SYT16: variants seen among roughly 807,000 people sequenced by gnomAD.
The protein encoded by SYT16 is synaptotagmin 16.
Under a neutral mutation model 61.4 loss-of-function variants are expected in SYT16, and 42 were observed. The ratio of observed to expected loss-of-function variants is 0.68; its 90% CI spans 0.53 to 0.89. The LOEUF (loss-of-function observed/expected upper bound fraction) is 0.89. Among genes scored for constraint, SYT16 ranks in the 40% least tolerant of loss-of-function variants. The probability of loss-of-function intolerance (pLI) is 0.00; values close to 1 mark genes in which losing one functional copy is unlikely to be tolerated. For synonymous variants in SYT16, 314 were observed against 302.3 expected (o/e 1.04, Z -0.40); for missense variants, 804 against 807.3 (o/e 1.00, Z 0.05).
At chr14:61,917,898 T>A (rs1408423934) in intron 1 of SYT16, among the ~76,000 whole-genome samples, 1 of 152,186 alleles carries the variant, frequency 6.6e-6, no homozygotes, top group Non-Finnish European at 1.5e-5. Context: ...GTTTCATATA[T>A]ACCTTATACA....
In SYT16 at chr14:61,996,024, T is replaced by G. The variant is rs752367361; in HGVS notation, c.5T>G (p.Val2Gly). 1 of 1,586,700 alleles carries G rather than the reference T, an allele frequency of 6.3e-7. No individual in the cohort carries two copies. The highest frequency in any genetic ancestry group is 1.3e-5 in the African/African-American group (1 of 74,118). ...GTAGACATCAGATAGCTGGCCATGG[T>G]GTTGGCCATGGCGTCTCAGGATGTT... M[V>G]LAMASQDVQN... Residue 2 changes from valine to glycine, a missense_variant, in exon 3 of 8, where the codon GTG (valine) becomes GGG (glycine). Transcript: ENST00000683842.
chr14:61,839,463 T>C (rs1389666000), intron 1 of SYT16, among the ~76,000 whole-genome samples: 2 of 152,210 alleles, frequency 1.3e-5, no homozygotes, highest in Non-Finnish European at 2.9e-5. Flanking sequence ...ACAGAAGTGA[T>C]GATAATTGCA....
At position 61,917,346 on chromosome 14, in the gene SYT16, TG is replaced by T. The variant is rs527906077; in HGVS notation, c.-324-52784del. 4.8e-3 allele frequency among the ~76,000 whole-genome samples: 734 copies of T among 152,296 alleles called. 12 individuals are homozygous for T. Among genetic ancestry groups the T allele is most frequent in the African/African-American group, 0.017 (692 of 41,562 alleles). On this transcript the variant is annotated intron_variant, in intron 1 of 7. Transcript: ENST00000683842. The stretch of plus-strand genomic sequence containing the variant: ...GGAGTCCTGTGACTAATCAAATCAG[TG>T]GCCTATTCATCCTCTGGGCCACAGG...
At chr14:61,823,250 C>T (rs1465233757) in intron 1 of SYT16, among the ~76,000 whole-genome samples, 2 of 152,244 alleles carry the variant, frequency 1.3e-5, no homozygotes, top group Admixed American at 6.5e-5. Flanking sequence ...CTCAGCCTCC[C>T]AAAGTGCTGG....
intron 1 of SYT16, among the ~76,000 whole-genome samples, chr14:61,923,021 C>T (rs140272828): frequency 0.018 from 2,653 of 149,844 alleles, 39 homozygotes; most frequent in Admixed American, 0.028. Context: ...TGCACTCCAG[C>T]CTGGTCAACA....
chr14:61,886,295 A>G (rs1432986189), intron 1 of SYT16, among the ~76,000 whole-genome samples: 1 of 152,190 alleles, frequency 6.6e-6, no homozygotes, highest in South Asian at 2.1e-4. Flanking sequence ...TAAGACAGCA[A>G]TGAAGTTTGC....
chr14:62,046,904 C>G (rs1225277306), intron 3 of SYT16, among the ~76,000 whole-genome samples: 1 of 152,096 alleles, frequency 6.6e-6, no homozygotes, highest in Non-Finnish European at 1.5e-5. Context: ...TTCAGCTTTG[C>G]TCTTTTGGCT....
At chr14:62,079,408 T>A (rs758366374) in intron 5 of SYT16, 2 of 1,126,162 alleles carry the variant, frequency 1.8e-6, no homozygotes, top group South Asian at 2.8e-5. Flanking sequence ...CTCTACTTTT[T>A]ACAACATCCC....
At chr14:61,870,450 G>A (rs1329915692) in intron 1 of SYT16, among the ~76,000 whole-genome samples, 1 of 151,254 alleles carries the variant, frequency 6.6e-6, no homozygotes, top group African/African-American at 2.4e-5. Flanking sequence ...ACTTTAGTTT[G>A]GTGTTCTTAT....
At chr14:61,863,752 AT>A (rs1177084060) in intron 1 of SYT16, among the ~76,000 whole-genome samples, 14 of 152,302 alleles carry the variant, frequency 9.2e-5, no homozygotes, top group African/African-American at 3.1e-4. Context: ...AGTGTTTTAC[AT>A]TTAAGGCTGT....
intron 3 of SYT16, among the ~76,000 whole-genome samples, chr14:62,043,966 C>G (rs1251883423): frequency 3.9e-5 from 6 of 152,138 alleles, no homozygotes; most frequent in Non-Finnish European, 8.8e-5. Context: ...AACCACCATG[C>G]CTGGCCTATG....
intron 3 of SYT16, among the ~76,000 whole-genome samples, chr14:62,060,504 TG>T (rs1294888045): frequency 1.7e-5 from 2 of 120,252 alleles, no homozygotes; most frequent in African/African-American, 9.6e-5. Context: ...ATCCATAGGA[TG>T]GTGAAATTTT....
intron 1 of SYT16, among the ~76,000 whole-genome samples, chr14:61,921,722 G>A (rs768654550): frequency 6.6e-6 from 1 of 152,152 alleles, no homozygotes; most frequent in African/African-American, 2.4e-5. Flanking sequence ...ACTCAAGCCA[G>A]CTACACTGCT....
chr14:61,830,956 G>A (rs2045919275), intron 1 of SYT16, among the ~76,000 whole-genome samples: 1 of 152,132 alleles, frequency 6.6e-6, no homozygotes, highest in African/African-American at 2.4e-5. Flanking sequence ...GTTCTTTTGT[G>A]GTGTTTGCCT....
rs1178267960 is a variant in SYT16, at chr14:61,823,168, A to G, written c.-325+10358A>G. Reference sequence around the variant, plus strand: ...CCACCATGCCCGGCTAATTTTTTGTATTTTTGTAGAGGCAGGATTTCACTG... The same window carrying G: ...CCACCATGCCCGGCTAATTTTTTGTGTTTTTGTAGAGGCAGGATTTCACTG... On this transcript the variant is annotated intron_variant, in intron 1 of 7. Transcript: ENST00000683842. Among the ~76,000 whole-genome samples the G allele has an allele frequency of 2.0e-5, 3 of 151,706 alleles. No homozygotes were observed. The East Asian group carries it at 5.8e-4, about 29-fold the overall frequency.
chr14:62,047,516 A>G (rs541618598), intron 3 of SYT16, among the ~76,000 whole-genome samples: 1 of 152,134 alleles, frequency 6.6e-6, no homozygotes, highest in Non-Finnish European at 1.5e-5. Context: ...ACTATGTTGA[A>G]TAGGAGTGGT....
At chr14:61,832,211 C>A in intron 1 of SYT16, 1 of 641,780 alleles carries the variant, frequency 1.6e-6, no homozygotes, top group South Asian at 1.4e-5. Context: ...CAGACAGGTG[C>A]TTGACATGGG....
At chr14:61,900,461 A>C (rs1265655613) in intron 1 of SYT16, among the ~76,000 whole-genome samples, 1 of 152,030 alleles carries the variant, frequency 6.6e-6, no homozygotes, top group African/African-American at 2.4e-5. Context: ...CCTGGCCGCT[A>C]TTTTCTTATT....
chr14:62,014,497 A>C (rs1360711213), intron 3 of SYT16, among the ~76,000 whole-genome samples: 4 of 151,792 alleles, frequency 2.6e-5, no homozygotes, highest in African/African-American at 7.3e-5. Context: ...GTAATGGTGC[A>C]GTCTCAGCTC....
Sources: allele counts gnomAD v4.1 joint callset (sites outside exome capture counted in the v4.1 genomes callset), GRCh38; gene constraint gnomAD v4.1.1; transcripts MANE v1.5; gene names NCBI Gene and HGNC (gene_info 2026-07-23, HGNC 2026-07-21).